CCNB3: variants seen among roughly 807,000 people sequenced by gnomAD.
The protein encoded by CCNB3 is cyclin B3.
A neutral mutation model predicts 68.0 loss-of-function variants in CCNB3; 12 were observed. The ratio of observed to expected loss-of-function variants is 0.18; its 90% CI spans 0.11 to 0.29. The LOEUF (loss-of-function observed/expected upper bound fraction) is 0.29, where lower values mean the gene tolerates loss of function less well. Among genes scored for constraint, CCNB3 ranks in the 10% least tolerant of loss-of-function variants. CCNB3 has a pLI of 1.00. For missense variants in CCNB3, 904 were observed against 993.1 expected, an observed-to-expected ratio of 0.91 and a Z score of 1.21; for synonymous variants, 354 against 388.9, an observed-to-expected ratio of 0.91 and a Z score of 1.06.
chrX:50,304,597 G>C (rs1406567678), intron 5 of CCNB3, among the ~76,000 whole-genome samples: 1 of 111,782 alleles, frequency 8.9e-6, no homozygotes, highest in Non-Finnish European at 1.9e-5. Flanking sequence ...GCATGGGCAA[G>C]GACTTCATGT....
intron 1 of CCNB3, among the ~76,000 whole-genome samples, chrX:50,208,478 T>G (rs188945771): frequency 8.9e-6 from 1 of 112,156 alleles, no homozygotes; most frequent in Admixed American, 9.4e-5. Flanking sequence ...TTCCATTTAT[T>G]TAGGTCTTTC....
rs1557214824 is a variant in CCNB3 at position 50,311,048 on chromosome X, A to T, written c.2879A>T (p.Asp960Val). The T allele has an allele frequency of 8.3e-7, 1 of 1,209,501 alleles. No homozygotes were observed. The highest frequency in any genetic ancestry group is 1.1e-6 in the Non-Finnish European group (1 of 894,990). ...ALQESPTYKEDTFLKTLLVPQ... is the reference protein window; with the variant it reads ...ALQESPTYKEVTFLKTLLVPQ... ...CAAGAGAGTCCCACCTACAAGGAAG[A>T]CACCTTTCTCAAAACATTGTTGGTC... is the stretch of plus-strand genomic sequence containing the variant. The change falls in exon 6 of 13, where the codon GAC (aspartate) becomes GTC (valine). Residue 960 changes from aspartate (D) to valine (V), a missense_variant. Coordinates refer to ENST00000376042, the MANE Select transcript of CCNB3 (RefSeq NM_033031.3).
chrX:50,228,065 A>AAT (rs1292296018), intron 1 of CCNB3, among the ~76,000 whole-genome samples: 2 of 88,589 alleles, frequency 2.3e-5, no homozygotes, highest in African/African-American at 8.5e-5. Context: ...ATATGGAGAG[A>AAT]ATATATATAT....
At chrX:50,306,848 A>G (rs782766083) in intron 5 of CCNB3, among the ~76,000 whole-genome samples, 1 of 111,219 alleles carries the variant, frequency 9.0e-6, no homozygotes, top group African/African-American at 3.3e-5. Flanking sequence ...TAATCCTTTT[A>G]TATGTTGCTG....
At chrX:50,342,167 A>G (rs1486267421) in intron 8 of CCNB3, 35 bp from the exon 9 acceptor site, 6 of 1,208,792 alleles carry the variant, frequency 5.0e-6, no homozygotes, top group African/African-American at 1.7e-5. Context: ...GAGCTGGACA[A>G]TATGCAGATC....
chrX:50,333,456 A>C (rs1207785294), intron 8 of CCNB3, among the ~76,000 whole-genome samples: 1 of 111,814 alleles, frequency 8.9e-6, no homozygotes, highest in Non-Finnish European at 1.9e-5. Context: ...CTTGCCTCGC[A>C]TTGTGCTGTT....
intron 1 of CCNB3, among the ~76,000 whole-genome samples, chrX:50,215,114 C>G (rs896109429): frequency 1.2e-4 from 13 of 110,140 alleles, no homozygotes; most frequent in African/African-American, 4.0e-4. Flanking sequence ...CTCAGCCTCC[C>G]GAGTAGCTGG....
At chrX:50,334,586 C>G (rs1922756832) in intron 8 of CCNB3, among the ~76,000 whole-genome samples, 1 of 112,673 alleles carries the variant, frequency 8.9e-6, no homozygotes, top group South Asian at 3.7e-4. Flanking sequence ...GAGAGATAGA[C>G]CACTGGCCTT....
intron 1 of CCNB3, among the ~76,000 whole-genome samples, chrX:50,206,331 G>C (rs1935363201): frequency 9.0e-6 from 1 of 111,485 alleles, no homozygotes; most frequent in Non-Finnish European, 1.9e-5. Flanking sequence ...CAGCACCTTC[G>C]GAGGCTGAGG....
Position 50,309,103 on chromosome X carries a change from G to C in CCNB3, c.934G>C (p.Ala312Pro). ...PPVLQTTICG[A>P]MSSIKKPTTE... is the part of the protein sequence containing the mutation. Reference sequence around the variant, plus strand: ...AGTATTGCAGACAACCATCTGTGGAGCAATGTCCTCCATTAAGAAGCCTAC... The same window carrying C: ...AGTATTGCAGACAACCATCTGTGGACCAATGTCCTCCATTAAGAAGCCTAC... Residue 312 changes from alanine to proline, a missense_variant, in exon 6 of 13, where the codon GCA (alanine) becomes CCA (proline). Ala to Pro is a conservative substitution (Grantham distance 27, BLOSUM62 -1). This residue lies in a region of CCNB3 where 619 missense variants were observed against 609.8 expected (regional missense o/e 1.02). Coordinates refer to ENST00000376042, the MANE Select transcript of CCNB3 (RefSeq NM_033031.3). The C allele has an allele frequency of 8.3e-7, 1 of 1,210,391 alleles. No individual in the cohort carries two copies.
At chrX:50,304,058 T>C (rs908022485) in intron 5 of CCNB3, among the ~76,000 whole-genome samples, 3 of 111,722 alleles carry the variant, frequency 2.7e-5, no homozygotes, top group Admixed American at 9.5e-5. Flanking sequence ...GGATGTCCAG[T>C]TTTTCCAGCA....
intron 11 of CCNB3, among the ~76,000 whole-genome samples, chrX:50,348,365 A>G (rs1055172111): frequency 8.9e-6 from 1 of 112,000 alleles, no homozygotes; most frequent in East Asian, 2.8e-4. Flanking sequence ...ATAATTTCGC[A>G]TTCTTACTAA....
chrX:50,224,006 A>G (rs1205103451), intron 1 of CCNB3, among the ~76,000 whole-genome samples: 1 of 111,467 alleles, frequency 9.0e-6, no homozygotes, highest in Non-Finnish European at 1.9e-5. Flanking sequence ...CATTTTGGAA[A>G]GTATTCTTTT....
At chrX:50,280,909 G>A (rs1198723230) in intron 1 of CCNB3, among the ~76,000 whole-genome samples, 1 of 109,732 alleles carries the variant, frequency 9.1e-6, no homozygotes, top group Non-Finnish European at 1.9e-5. Flanking sequence ...ATAGGTACGC[G>A]CCACTACGCT....
Position 50,335,354 on chromosome X carries a change from C to A in CCNB3, c.3517-6848C>A, listed in dbSNP as rs868935262. The stretch of plus-strand genomic sequence containing the variant: ...CAGCTGTCCTCAGCCTGCAGCAGCC[C>A]TAACAATGTGTAAAGGTTAGGAACT... On this transcript the variant is annotated intron_variant, in intron 8 of 12. Coordinates refer to ENST00000376042, the MANE Select transcript of CCNB3 (RefSeq NM_033031.3). 2.7e-5 allele frequency among the ~76,000 whole-genome samples: 3 copies of A among 111,904 alleles called. No individual in the cohort carries two copies. The Middle Eastern group carries it at 0.014, about 513-fold the overall frequency.
At chrX:50,220,791 A>T (rs1381998681) in intron 1 of CCNB3, among the ~76,000 whole-genome samples, 1 of 111,634 alleles carries the variant, frequency 9.0e-6, no homozygotes, top group Non-Finnish European at 1.9e-5. Context: ...AACTCATAAG[A>T]TGAGTTATGG....
intron 8 of CCNB3, among the ~76,000 whole-genome samples, chrX:50,317,289 C>T (rs949549523): frequency 6.3e-5 from 7 of 111,839 alleles, no homozygotes; most frequent in Non-Finnish European, 1.1e-4. Flanking sequence ...TGTCAAGTTA[C>T]GAGAGTTCTT....
rs1159153454 is a variant in CCNB3, at chrX:50,347,231, T to A, written c.3811-395T>A. On this transcript the variant is annotated intron_variant, in intron 10 of 12. Transcript: ENST00000376042. The stretch of plus-strand genomic sequence containing the variant: ...TGTGTGTGTGATAGGTTGTAATTTT[T>A]AAAAAATAAGTTTAAATAAGAAAAG... 5.4e-5 allele frequency among the ~76,000 whole-genome samples: 6 copies of A among 110,826 alleles called. No homozygotes were observed. The Admixed American group carries it at 5.8e-4, about 11-fold the overall frequency.
At chrX:50,222,312 T>A (rs1017991753) in intron 1 of CCNB3, among the ~76,000 whole-genome samples, 5 of 111,618 alleles carry the variant, frequency 4.5e-5, no homozygotes, top group African/African-American at 1.6e-4. Flanking sequence ...GTCATTATGA[T>A]CCTAGCTGGT....
Sources: gnomAD v4.1 joint callset for allele counts (sites outside exome capture counted in the v4.1 genomes callset) on GRCh38, gnomAD v4.1.1 for gene constraint, gnomAD v4.1.1 regional missense constraint, MANE v1.5 for transcripts, NCBI Gene and HGNC (gene_info 2026-07-23, HGNC 2026-07-21) for gene names.